FRMD4A: variants seen among roughly 807,000 people sequenced by gnomAD.
The protein encoded by FRMD4A is FERM domain containing 4A.
FRMD4A carries 29 observed loss-of-function variants against 129.1 expected under a neutral mutation model. That is an observed-to-expected ratio of 0.22 (90% CI 0.17 to 0.31). FRMD4A has a LOEUF of 0.31. FRMD4A is among the 10% of genes least tolerant of loss of function. FRMD4A has a pLI of 1.00. For missense variants in FRMD4A, 1,272 were observed against 1,375.8 expected, an observed-to-expected ratio of 0.92 and a Z score of 1.19; for synonymous variants, 634 against 571.6, an observed-to-expected ratio of 1.11 and a Z score of -1.56.
At chr10:13,828,439 C>T (rs1285903251) in intron 3 of FRMD4A, among the ~76,000 whole-genome samples, 1 of 152,172 alleles carries the variant, frequency 6.6e-6, no homozygotes, top group Admixed American at 6.5e-5. Flanking sequence ...CTTCCAGTTC[C>T]ATCCACGTTG....
intron 2 of FRMD4A, among the ~76,000 whole-genome samples, chr10:14,161,158 G>A (rs771334206): frequency 1.3e-5 from 2 of 152,122 alleles, no homozygotes; most frequent in East Asian, 1.9e-4. Context: ...GTTTCACTGT[G>A]TTGGCCAGGC....
At chr10:14,147,778 C>T (rs917985440) in intron 2 of FRMD4A, among the ~76,000 whole-genome samples, 3 of 152,172 alleles carry the variant, frequency 2.0e-5, no homozygotes, top group African/African-American at 4.8e-5. Flanking sequence ...TAACAGGCCA[C>T]GGACTGGTAC....
At chr10:13,718,293 C>G (rs554443553) in intron 12 of FRMD4A, among the ~76,000 whole-genome samples, 1 of 152,368 alleles carries the variant, frequency 6.6e-6, no homozygotes, top group East Asian at 1.9e-4. Context: ...TCAAGTCAGG[C>G]TGCTGCTGGG....
intron 2 of FRMD4A, among the ~76,000 whole-genome samples, chr10:13,977,827 A>G (rs4750442): frequency 0.36 from 55,064 of 152,118 alleles, 10,364 homozygotes; most frequent in East Asian, 0.6. Context: ...GTGCCAGTAC[A>G]TTTCTTTTCT....
At chr10:13,891,770 T>C (rs2094700128) in intron 2 of FRMD4A, 1 of 973,540 alleles carries the variant, frequency 1.0e-6, no homozygotes, top group African/African-American at 1.8e-5. Context: ...CCCCGCCCCG[T>C]CCCCGCCGCC....
intron 2 of FRMD4A, among the ~76,000 whole-genome samples, chr10:13,936,462 T>G (rs2095249992): frequency 6.6e-6 from 1 of 152,116 alleles, no homozygotes; most frequent in Non-Finnish European, 1.5e-5. Context: ...GTGATGATAT[T>G]AGGATGGAGA....
intron 2 of FRMD4A, among the ~76,000 whole-genome samples, chr10:14,237,880 T>C (rs1200809170): frequency 6.6e-6 from 1 of 152,222 alleles, no homozygotes; most frequent in Non-Finnish European, 1.5e-5. Flanking sequence ...CTCGGCCAGC[T>C]TCTCCTAGCA....
intron 3 of FRMD4A, among the ~76,000 whole-genome samples, chr10:13,847,055 G>A (rs2094058977): frequency 6.6e-6 from 1 of 152,126 alleles, no homozygotes; most frequent in Non-Finnish European, 1.5e-5. Flanking sequence ...TGTCATTGAT[G>A]GGCACAGAAA....
chr10:13,834,399 T>C (rs1025692506), intron 3 of FRMD4A, among the ~76,000 whole-genome samples: 2 of 152,096 alleles, frequency 1.3e-5, no homozygotes, highest in Non-Finnish European at 1.5e-5. Flanking sequence ...CACAAATTAG[T>C]CCCGTCTTCC....
At chr10:14,061,813 C>T (rs1834829129) in intron 2 of FRMD4A, among the ~76,000 whole-genome samples, 1 of 152,176 alleles carries the variant, frequency 6.6e-6, no homozygotes, top group South Asian at 2.1e-4. Context: ...AAGCCCAAGC[C>T]AATACGTTGA....
intron 3 of FRMD4A, among the ~76,000 whole-genome samples, chr10:13,825,185 GA>G (rs1413230366): frequency 6.6e-6 from 1 of 152,174 alleles, no homozygotes; most frequent in African/African-American, 2.4e-5. Flanking sequence ...AATTCTAACA[GA>G]TGCCAGCATC....
chr10:14,028,149 A>G (rs1484487038), intron 2 of FRMD4A, among the ~76,000 whole-genome samples: 1 of 152,186 alleles, frequency 6.6e-6, no homozygotes, highest in African/African-American at 2.4e-5. Flanking sequence ...TTTGATAATT[A>G]TGGGGACATT....
intron 2 of FRMD4A, among the ~76,000 whole-genome samples, chr10:14,028,916 A>T (rs1401320540): frequency 6.6e-6 from 1 of 152,120 alleles, no homozygotes; most frequent in Non-Finnish European, 1.5e-5. Flanking sequence ...ATTTATAGAC[A>T]TTTCTTTGAT....
At chr10:13,981,738 C>CAAAAAAAAAA (rs55829400) in intron 2 of FRMD4A, among the ~76,000 whole-genome samples, 1 of 97,662 alleles carries the variant, frequency 1.0e-5, no homozygotes, top group Non-Finnish European at 2.6e-5. Flanking sequence ...GACTCCGTGT[C>CAAAAAAAAAA]AAAAAAAAAA....
At chr10:14,055,456 C>CAA (rs755724472) in intron 2 of FRMD4A, among the ~76,000 whole-genome samples, 2 of 24,770 alleles carry the variant, frequency 8.1e-5, no homozygotes, top group African/African-American at 1.9e-4. Context: ...CACACACACA[C>CAA]ACACAAACAC....
intron 3 of FRMD4A, among the ~76,000 whole-genome samples, chr10:13,814,630 GA>G (rs1187607399): frequency 4.5e-4 from 50 of 112,354 alleles, no homozygotes; most frequent in African/African-American, 1.6e-3. Context: ...AAGAGAGAGA[GA>G]AAAAAAAGAA....
intron 3 of FRMD4A, among the ~76,000 whole-genome samples, chr10:13,849,432 T>G (rs183831018): frequency 1.1e-3 from 173 of 151,576 alleles, no homozygotes; most frequent in African/African-American, 3.8e-3. Flanking sequence ...CTTGGCAACA[T>G]GCACTTTGGG....
chr10:14,198,024 G>A (rs187850304), intron 2 of FRMD4A, among the ~76,000 whole-genome samples: 1 of 152,194 alleles, frequency 6.6e-6, no homozygotes, highest in Admixed American at 6.5e-5. Flanking sequence ...GCTTTCCAGT[G>A]CTCATCCTCC....
At chr10:13,979,903 C>T (rs192753426) in intron 2 of FRMD4A, among the ~76,000 whole-genome samples, 5 of 152,314 alleles carry the variant, frequency 3.3e-5, no homozygotes, top group Non-Finnish European at 7.4e-5. Flanking sequence ...AGCTGAAACT[C>T]TCTAACAGGC....
Sources: allele counts gnomAD v4.1 joint callset (sites outside exome capture counted in the v4.1 genomes callset), GRCh38; gene constraint gnomAD v4.1.1; transcripts MANE v1.5; gene names NCBI Gene and HGNC (gene_info 2026-07-23, HGNC 2026-07-21).